The following RNF114 variants were observed in gnomAD, a reference collection of about 807,000 sequenced individuals.
RNF114 encodes ring finger protein 114.
Under a neutral mutation model 28.4 loss-of-function variants are expected in RNF114, and 6 were observed. The ratio of observed to expected loss-of-function variants is 0.21; its 90% CI spans 0.12 to 0.42. RNF114 has a LOEUF of 0.42. Among genes scored for constraint, RNF114 ranks in the 10% least tolerant of loss-of-function variants. RNF114 has a pLI of 1.00. For synonymous variants in RNF114, 115 were observed against 116.7 expected (o/e 0.99, Z 0.09); for missense variants, 249 against 311.7 (o/e 0.80, Z 1.51).
At chr20:49,940,196 CTG>C (rs1435589908) in intron 1 of RNF114, among the ~76,000 whole-genome samples, 1 of 151,778 alleles carries the variant, frequency 6.6e-6, no homozygotes, top group African/African-American at 2.4e-5. Context: ...GAGGAAAAGT[CTG>C]TTAGATTTTT....
At chr20:49,942,017 C>G in intron 2 of RNF114, 1 of 292,010 alleles carries the variant, frequency 3.4e-6, no homozygotes, top group Non-Finnish European at 6.4e-6. Context: ...GTAACCCCAG[C>G]TCTTTGGGAG....
chr20:49,952,438 C>T lies in RNF114; in HGVS notation c.*297C>T. The T allele has an allele frequency of 1.9e-6, 1 of 522,738 alleles. No homozygotes were observed. Among genetic ancestry groups the T allele is most frequent in the Non-Finnish European group, 3.4e-6 (1 of 293,108 alleles). The allele number at this position is 522,738 out of a possible 1,614,324, so 32.4% of individuals were successfully genotyped here. ...CCGCCTCCTGTGGAAGATAATCTAG[C>T]TTCTCCACCTCTTGTTTCACACTCA... On this transcript the variant is annotated 3_prime_UTR_variant, in exon 6 of 6. Coordinates refer to ENST00000244061, the MANE Select transcript of RNF114 (RefSeq NM_018683.4).
chr20:49,949,496 A>G, intron 5 of RNF114, 141 bp downstream of exon 5: 1 of 694,642 alleles, frequency 1.4e-6, no homozygotes, highest in East Asian at 2.7e-5. Context: ...TACTGGATAC[A>G]GTGATAAAGG....
chr20:49,936,980 C>G (rs1056421303), intron 1 of RNF114, among the ~76,000 whole-genome samples: 1 of 152,116 alleles, frequency 6.6e-6, no homozygotes, highest in African/African-American at 2.4e-5. Flanking sequence ...CTACTGTGCA[C>G]TAAAGTCGGG....
intron 3 of RNF114, 98 bp downstream of exon 3, chr20:49,945,586 G>A: frequency 1.4e-6 from 1 of 691,758 alleles, no homozygotes; most frequent in South Asian, 1.7e-5. Flanking sequence ...TTGTTATGCT[G>A]GCTAAAGCTG....
chr20:49,947,234 C>A (rs1158755937), intron 4 of RNF114, among the ~76,000 whole-genome samples: 2 of 23,318 alleles, frequency 8.6e-5, no homozygotes, highest in African/African-American at 3.0e-4. Context: ...CCCCCCCCCC[C>A]CCAAAAAAGT....
rs183852187 is a variant in RNF114 at position 49,946,573 on chromosome 20, T to G, written c.513+323T>G. Among the ~76,000 whole-genome samples the G allele has an allele frequency of 4.0e-3, 608 of 152,106 alleles. 2 individuals carry two copies. The highest frequency in any genetic ancestry group is 7.1e-3 in the Non-Finnish European group (484 of 68,010). On this transcript the variant is annotated intron_variant, in intron 4 of 5. Transcript: ENST00000244061. ...TATAATTAATCATATTCAAGAAATTTAACATTGATTCAATCTAATGTCTAA... is the reference window on the plus strand; with the variant it reads ...TATAATTAATCATATTCAAGAAATTGAACATTGATTCAATCTAATGTCTAA...
chr20:49,950,378 T>C (rs1479842584), intron 5 of RNF114, among the ~76,000 whole-genome samples: 4 of 152,096 alleles, frequency 2.6e-5, no homozygotes, highest in Non-Finnish European at 4.4e-5. Flanking sequence ...CTGCCTGTTA[T>C]AGAACTTGGT....
At chr20:49,950,493 C>T (rs2090351198) in intron 5 of RNF114, among the ~76,000 whole-genome samples, 1 of 151,864 alleles carries the variant, frequency 6.6e-6, no homozygotes, top group Non-Finnish European at 1.5e-5. Flanking sequence ...CCAGCCTGGG[C>T]AACATGGGAA....
intron 4 of RNF114, among the ~76,000 whole-genome samples, chr20:49,948,694 C>A (rs943978333): frequency 6.6e-6 from 1 of 152,156 alleles, no homozygotes; most frequent in Non-Finnish European, 1.5e-5. Context: ...GCTTTGGCCT[C>A]CCAAAGTGCT....
At chr20:49,947,975 A>G (rs898425487) in intron 4 of RNF114, among the ~76,000 whole-genome samples, 14 of 151,364 alleles carry the variant, frequency 9.2e-5, no homozygotes, top group African/African-American at 3.1e-4. Context: ...TATTTATGGT[A>G]GAGACGGGGT....
intron 5 of RNF114, among the ~76,000 whole-genome samples, chr20:49,951,019 G>A (rs974982349): frequency 2.0e-5 from 3 of 152,098 alleles, no homozygotes; most frequent in Non-Finnish European, 4.4e-5. Flanking sequence ...CCCTAGAGCT[G>A]GATGGTTTCA....
At position 49,951,931 on chromosome 20, in the gene RNF114, C is replaced by A. The variant is rs144308193; in HGVS notation, c.622-145C>A. On this transcript the variant is annotated intron_variant, in intron 5 of 5. Transcript: ENST00000244061. ...AGATTAATTTTCCCAAAGTTACATA[C>A]CTAGCATCACAAACAGTTGCACTGG... 6.9e-4 allele frequency: 433 copies of A among 624,134 alleles called. 1 individual carries two copies. In the African/African-American group the frequency reaches 7.0e-3, roughly 10 times the overall value. The allele number at this position is 624,134 out of a possible 1,614,324, so 38.7% of individuals were successfully genotyped here.
chr20:49,947,818 G>GTTTTTTTTTTTTTTT (rs2090339974), intron 4 of RNF114, among the ~76,000 whole-genome samples: 1 of 86,328 alleles, frequency 1.2e-5, no homozygotes, highest in Non-Finnish European at 2.1e-5. Context: ...TTGAGGCGGA[G>GTTTTTTTTTTTTTTT]TTTCGCTCTG....
At chr20:49,942,370 T>C (rs890978951) in intron 2 of RNF114, among the ~76,000 whole-genome samples, 20 of 152,252 alleles carry the variant, frequency 1.3e-4, no homozygotes, top group African/African-American at 4.1e-4. Flanking sequence ...ATACCTGTTA[T>C]AACTGCTACT....
In RNF114 at chr20:49,945,425, A is replaced by C. The variant is rs759089769; in HGVS notation, c.335A>C (p.Lys112Thr). Residue 112 changes from lysine to threonine, a missense_variant, in exon 3 of 6, where the codon AAA becomes ACA. This residue lies in a region of RNF114 where 126 missense variants were observed against 205.3 expected (regional missense o/e 0.61). Coordinates refer to ENST00000244061, the MANE Select transcript of RNF114 (RefSeq NM_018683.4). Reference protein sequence around the residue: ...KIRSHVATCSKYQNYIMEGVK... With the variant: ...KIRSHVATCSTYQNYIMEGVK... ...CGGTCCCACGTGGCTACTTGTTCCAAATACCAGAATTACATCATGGAAGGT... is the reference window on the plus strand; with the variant it reads ...CGGTCCCACGTGGCTACTTGTTCCACATACCAGAATTACATCATGGAAGGT... The C allele has an allele frequency of 8.7e-6, 14 of 1,613,612 alleles. No homozygotes were observed. The African/African-American group carries it at 1.9e-4, about 22-fold the overall frequency.
intron 5 of RNF114, among the ~76,000 whole-genome samples, chr20:49,949,936 C>T (rs898105230): frequency 4.6e-5 from 7 of 150,926 alleles, no homozygotes; most frequent in African/African-American, 9.7e-5. Context: ...AGCCACCACG[C>T]CCGGCCCAGA....
At chr20:49,937,997 A>T (rs1476794745) in intron 1 of RNF114, among the ~76,000 whole-genome samples, 1 of 152,202 alleles carries the variant, frequency 6.6e-6, no homozygotes, top group Non-Finnish European at 1.5e-5. Flanking sequence ...TCATTCTGCA[A>T]GTGGGAGGGT....
At position 49,952,107 on chromosome 20, in the gene RNF114, A is replaced by G. The variant is rs34356460; in HGVS notation, c.653A>G (p.Asn218Ser). The change falls in exon 6 of 6, where the codon AAT becomes AGT. Residue 218 changes from asparagine (N) to serine (S), a missense_variant. This residue lies in a region of RNF114 where 126 missense variants were observed against 205.3 expected (regional missense o/e 0.61). Coordinates refer to ENST00000244061, the MANE Select transcript of RNF114 (RefSeq NM_018683.4). ...GATGTTGATGAAGAGGACATGATGA[A>G]TCAGGTGTTGCAGCGCTCCATCATC... ...DYDVDEEDMM[N>S]QVLQRSIIDQ 1 of 1,613,648 alleles carries G rather than the reference A, an allele frequency of 6.2e-7. No individual in the cohort carries two copies.
Sources: gnomAD v4.1 joint callset for allele counts (sites outside exome capture counted in the v4.1 genomes callset) on GRCh38, gnomAD v4.1.1 for gene constraint, gnomAD v4.1.1 regional missense constraint, MANE v1.5 for transcripts, NCBI Gene and HGNC (gene_info 2026-07-23, HGNC 2026-07-21) for gene names.